ELMO1: variants seen among roughly 807,000 people sequenced by gnomAD.
ELMO1 encodes the protein engulfment and cell motility protein 1.
A neutral mutation model predicts 98.9 loss-of-function variants in ELMO1; 26 were observed. That is an observed-to-expected ratio of 0.26 (90% CI 0.19 to 0.36). The LOEUF (loss-of-function observed/expected upper bound fraction) is 0.36. Among genes scored for constraint, ELMO1 ranks in the 10% least tolerant of loss-of-function variants. ELMO1 has a pLI of 1.00. For synonymous variants in ELMO1, 346 were observed against 346.0 expected, an observed-to-expected ratio of 1.00 and a Z score of 0.00; for missense variants, 627 against 935.2, an observed-to-expected ratio of 0.67 and a Z score of 4.30.
At chr7:37,263,644 A>G (rs1047199346) in intron 5 of ELMO1, among the ~76,000 whole-genome samples, 3 of 152,212 alleles carry the variant, frequency 2.0e-5, no homozygotes, top group African/African-American at 7.2e-5. Flanking sequence ...CTGACTGACA[A>G]GAAGGACCCC....
At chr7:37,148,163 C>T (rs1252114124) in intron 13 of ELMO1, among the ~76,000 whole-genome samples, 4 of 152,180 alleles carry the variant, frequency 2.6e-5, no homozygotes, top group African/African-American at 4.8e-5. Flanking sequence ...TCCACTACTA[C>T]GCAAGGCACT....
At chr7:36,915,266 A>G (rs1046603791) in intron 16 of ELMO1, among the ~76,000 whole-genome samples, 2 of 152,192 alleles carry the variant, frequency 1.3e-5, no homozygotes, top group African/African-American at 4.8e-5. Context: ...CAGCCCTACT[A>G]ATAAAAGGCT....
At chr7:36,980,566 A>G (rs1188603240) in intron 16 of ELMO1, among the ~76,000 whole-genome samples, 1 of 152,232 alleles carries the variant, frequency 6.6e-6, no homozygotes, top group Non-Finnish European at 1.5e-5. Flanking sequence ...AAAGCATTGG[A>G]TTCTAGATTA....
intron 16 of ELMO1, among the ~76,000 whole-genome samples, chr7:36,985,683 A>T (rs1051792893): frequency 3.3e-5 from 5 of 152,210 alleles, no homozygotes; most frequent in African/African-American, 9.7e-5. Flanking sequence ...CCTTACACTA[A>T]TCCTAACAAG....
At chr7:37,180,988 C>CA (rs768604694) in intron 13 of ELMO1, among the ~76,000 whole-genome samples, 9 of 151,680 alleles carry the variant, frequency 5.9e-5, no homozygotes, top group Admixed American at 1.3e-4. Context: ...AATAGAAACT[C>CA]AAAAAAATGA....
chr7:37,278,396 C>T (rs951424683), intron 4 of ELMO1, among the ~76,000 whole-genome samples: 2 of 152,018 alleles, frequency 1.3e-5, no homozygotes, highest in Non-Finnish European at 2.9e-5. Flanking sequence ...GTGGTCCCAG[C>T]TACTTGGGAG....
chr7:37,001,051 C>T (rs1792637359), intron 16 of ELMO1, among the ~76,000 whole-genome samples: 1 of 152,098 alleles, frequency 6.6e-6, no homozygotes, highest in South Asian at 2.1e-4. Context: ...TTGAAGCTTT[C>T]TATTCACCTT....
At chr7:37,227,465 A>G (rs931931002) in intron 8 of ELMO1, among the ~76,000 whole-genome samples, 1 of 152,122 alleles carries the variant, frequency 6.6e-6, no homozygotes. Context: ...AGTTCACTGC[A>G]ACCTCCACCT....
chr7:36,991,324 C>T (rs1228652756), intron 16 of ELMO1, among the ~76,000 whole-genome samples: 4 of 152,186 alleles, frequency 2.6e-5, no homozygotes, highest in African/African-American at 9.7e-5. Flanking sequence ...GCAACAGGCC[C>T]AGTGCAGACT....
chr7:37,172,448 T>C (rs1301747556), intron 13 of ELMO1, among the ~76,000 whole-genome samples: 1 of 152,188 alleles, frequency 6.6e-6, no homozygotes, highest in Non-Finnish European at 1.5e-5. Flanking sequence ...AGTGAGACAT[T>C]TCAAGACATC....
intron 4 of ELMO1, among the ~76,000 whole-genome samples, chr7:37,285,841 C>T (rs1797367325): frequency 6.6e-6 from 1 of 152,224 alleles, no homozygotes; most frequent in South Asian, 2.1e-4. Flanking sequence ...ATTTTTCCAT[C>T]CACTTGAGAT....
chr7:36,914,814 A>G (rs1049618926), intron 16 of ELMO1, among the ~76,000 whole-genome samples: 13 of 152,128 alleles, frequency 8.5e-5, no homozygotes, highest in African/African-American at 2.9e-4. Flanking sequence ...ACCCAGCCGA[A>G]ATGAAATGTA....
chr7:37,388,885 G>A (rs993165774), intron 1 of ELMO1, among the ~76,000 whole-genome samples: 1 of 152,166 alleles, frequency 6.6e-6, no homozygotes, highest in African/African-American at 2.4e-5. Flanking sequence ...GCTTTGGGAG[G>A]GATAGCTTTA....
At chr7:36,861,974 T>C (rs7785934) in intron 20 of ELMO1, 230,662 of 535,124 alleles carry the variant, frequency 0.43, 51,111 homozygotes, top group Non-Finnish European at 0.48. Flanking sequence ...ATGTAGCAAG[T>C]GTTTTCATCT....
chr7:36,881,078 A>G (rs1418597829), intron 18 of ELMO1, among the ~76,000 whole-genome samples: 2 of 152,230 alleles, frequency 1.3e-5, no homozygotes, highest in Non-Finnish European at 2.9e-5. Context: ...CATCACAGAT[A>G]TAAGTGATGT....
chr7:37,131,772 T>C (rs1786937629), intron 14 of ELMO1, among the ~76,000 whole-genome samples: 1 of 152,192 alleles, frequency 6.6e-6, no homozygotes, highest in South Asian at 2.1e-4. Flanking sequence ...ATCCCAAACC[T>C]TTCAGAGAAA....
chr7:37,281,560 G>C (rs1797143555), intron 4 of ELMO1, among the ~76,000 whole-genome samples: 1 of 152,170 alleles, frequency 6.6e-6, no homozygotes, highest in Non-Finnish European at 1.5e-5. Context: ...CAGCCCATCT[G>C]CTTTAGAATC....
At chr7:37,425,262 C>T (rs1804652511) in intron 1 of ELMO1, among the ~76,000 whole-genome samples, 2 of 152,238 alleles carry the variant, frequency 1.3e-5, no homozygotes, top group South Asian at 4.1e-4. Context: ...TTATGTCTCA[C>T]GTGGCAGAAA....
intron 15 of ELMO1, among the ~76,000 whole-genome samples, chr7:37,046,085 T>TC: frequency 6.6e-6 from 1 of 151,984 alleles, no homozygotes; most frequent in African/African-American, 2.4e-5. Flanking sequence ...AATCACCATA[T>TC]CCACCTTTAC....
Sources: gnomAD v4.1 joint callset for allele counts (sites outside exome capture counted in the v4.1 genomes callset) on GRCh38, gnomAD v4.1.1 for gene constraint, MANE v1.5 for transcripts, NCBI Gene and HGNC (gene_info 2026-07-23, HGNC 2026-07-21) for gene names.